Variants in RIT2 observed in about 807,000 individuals in gnomAD.
RIT2 encodes Ras like without CAAX 2.
RIT2 carries 24 observed loss-of-function variants against 23.7 expected under a neutral mutation model. That is an observed-to-expected ratio of 1.01 (90% CI 0.73 to 1.43). The LOEUF is 1.43. RIT2 is among the 40% of genes most tolerant of loss of function. The probability of loss-of-function intolerance (pLI) is 0.00; values close to 1 mark genes in which losing one functional copy is unlikely to be tolerated. For missense variants in RIT2, 236 were observed against 266.9 expected (o/e 0.88, Z 0.81); for synonymous variants, 107 against 91.1 (o/e 1.17, Z -0.99).
chr18:43,054,966 T>C (rs1006299690), intron 1 of RIT2, among the ~76,000 whole-genome samples: 12 of 152,116 alleles, frequency 7.9e-5, no homozygotes, highest in Admixed American at 1.3e-4. Context: ...TTTTCAATTA[T>C]AGCTGTGCAT....
At chr18:42,927,291 T>G (rs516838) in intron 3 of RIT2, among the ~76,000 whole-genome samples, 132,351 of 151,476 alleles carry the variant, frequency 0.87, 58,215 homozygotes, top group East Asian at 1. Context: ...ATAATGAATG[T>G]GGAGGATATT....
chr18:43,043,968 T>C (rs1912188621), intron 1 of RIT2, among the ~76,000 whole-genome samples: 1 of 152,104 alleles, frequency 6.6e-6, no homozygotes, highest in South Asian at 2.1e-4. Flanking sequence ...ACAGGATCTT[T>C]CCCAAGGAAG....
At chr18:42,794,083 G>A (rs1295682889) in intron 4 of RIT2, among the ~76,000 whole-genome samples, 1 of 151,872 alleles carries the variant, frequency 6.6e-6, no homozygotes, top group African/African-American at 2.4e-5. Context: ...GAAAGAATGC[G>A]GTTATCTCAT....
intron 1 of RIT2, among the ~76,000 whole-genome samples, chr18:43,091,957 A>G (rs1246525177): frequency 1.3e-5 from 2 of 152,142 alleles, no homozygotes; most frequent in Non-Finnish European, 2.9e-5. Context: ...AAGTTTTGAA[A>G]GAATTCAAAA....
intron 4 of RIT2, among the ~76,000 whole-genome samples, chr18:42,862,258 C>T (rs1907347893): frequency 6.6e-6 from 1 of 151,968 alleles, no homozygotes; most frequent in African/African-American, 2.4e-5. Flanking sequence ...GGCACTTCTC[C>T]CTTCACTCTC....
intron 4 of RIT2, among the ~76,000 whole-genome samples, chr18:42,893,545 A>G (rs373298603): frequency 5.2e-4 from 79 of 152,306 alleles, no homozygotes; most frequent in Middle Eastern, 3.4e-3. Flanking sequence ...TCAGCTCTTC[A>G]TACTTTTGCA....
intron 1 of RIT2, among the ~76,000 whole-genome samples, chr18:43,080,864 T>A (rs899257691): frequency 1.3e-5 from 2 of 152,180 alleles, no homozygotes; most frequent in African/African-American, 4.8e-5. Context: ...TTTGTTCTTC[T>A]TAAGAAGGAT....
chr18:43,045,186 C>T (rs1294368681), intron 1 of RIT2, among the ~76,000 whole-genome samples: 1 of 152,146 alleles, frequency 6.6e-6, no homozygotes, highest in African/African-American at 2.4e-5. Flanking sequence ...AAATACAACT[C>T]TCTCTGTAGT....
chr18:43,089,811 A>T lies in RIT2; in HGVS notation c.103+25606T>A, dbSNP rs144722424. ...GGGAAGGATTCCCTACTCAATAAAT[A>T]AAAGGATTCTGTACTCCCTTCAGCC... is the stretch of plus-strand genomic sequence containing the variant. On this transcript the variant is annotated intron_variant, in intron 1 of 4. Coordinates refer to ENST00000326695, the MANE Select transcript of RIT2 (RefSeq NM_002930.4). Among the ~76,000 whole-genome samples the T allele has an allele frequency of 3.5e-3, 531 of 152,076 alleles. 3 individuals are homozygous for T. The highest frequency in any genetic ancestry group is 0.011 in the African/African-American group (448 of 41,540).
intron 2 of RIT2, among the ~76,000 whole-genome samples, chr18:42,982,100 C>T (rs899093096): frequency 4.6e-5 from 7 of 152,260 alleles, no homozygotes; most frequent in South Asian, 2.1e-4. Flanking sequence ...AAGGACTTCT[C>T]TTCATTGATG....
chr18:42,797,466 C>G (rs2143956802), intron 4 of RIT2, among the ~76,000 whole-genome samples: 1 of 152,080 alleles, frequency 6.6e-6, no homozygotes, highest in East Asian at 1.9e-4. Context: ...AATCAAATTA[C>G]TCAAGTAATC....
At position 42,743,718 on chromosome 18, in the gene RIT2, A is replaced by G; in HGVS notation, c.429T>C (p.Val143=). The change falls in exon 5 of 5, where the codon GTT becomes GTC. Residue 143 remains valine (V), a splice_region_variant and synonymous_variant. Coordinates refer to ENST00000326695, the MANE Select transcript of RIT2 (RefSeq NM_002930.4). ...NKIDLEQFRQ[V]STEEGLSLAQ... ...CAAGACTCAAGCCTTCTTCTGTAGA[A>G]ACCTAAGGAAAAAACAAATAATATT... 6.3e-7 allele frequency: 1 copy of G among 1,594,042 alleles called. No individual in the cohort carries two copies. The highest frequency in any genetic ancestry group is 8.5e-7 in the Non-Finnish European group (1 of 1,170,004).
chr18:43,080,157 C>T (rs927740345), intron 1 of RIT2, among the ~76,000 whole-genome samples: 1 of 152,206 alleles, frequency 6.6e-6, no homozygotes, highest in African/African-American at 2.4e-5. Context: ...AATCTATATT[C>T]AGTTCCTACC....
chr18:42,842,078 T>C (rs1906782468), intron 4 of RIT2, among the ~76,000 whole-genome samples: 1 of 152,250 alleles, frequency 6.6e-6, no homozygotes, highest in Admixed American at 6.5e-5. Flanking sequence ...GTTTATTTGC[T>C]GTAGGCTGAT....
chr18:42,835,737 T>G (rs1298685443), intron 4 of RIT2, among the ~76,000 whole-genome samples: 1 of 152,126 alleles, frequency 6.6e-6, no homozygotes, highest in East Asian at 1.9e-4. Context: ...GGAGATTAAA[T>G]AAGAGTTATA....
intron 4 of RIT2, among the ~76,000 whole-genome samples, chr18:42,825,215 T>C (rs1023792743): frequency 1.3e-5 from 2 of 151,832 alleles, no homozygotes; most frequent in Non-Finnish European, 2.9e-5. Context: ...AGTATAAGTA[T>C]ATGGAGAATA....
At chr18:43,054,123 C>T (rs1004688501) in intron 1 of RIT2, among the ~76,000 whole-genome samples, 3 of 151,980 alleles carry the variant, frequency 2.0e-5, no homozygotes, top group Non-Finnish European at 2.9e-5. Context: ...TGCTTTGTCC[C>T]CATCTCCAAA....
chr18:43,061,715 A>T (rs1472594348), intron 1 of RIT2, among the ~76,000 whole-genome samples: 1 of 151,894 alleles, frequency 6.6e-6, no homozygotes, highest in Non-Finnish European at 1.5e-5. Context: ...AGCTCATAAA[A>T]ACCCCCTACT....
In RIT2 at chr18:42,743,350, A is replaced by T. The variant is rs1003242280; in HGVS notation, c.*143T>A. Reference sequence around the variant, plus strand: ...AACAAAACTATCTCAAGAGGTACAGATATGCAGAGCTTGCTTTTACCTACA... The same window carrying T: ...AACAAAACTATCTCAAGAGGTACAGTTATGCAGAGCTTGCTTTTACCTACA... On this transcript the variant is annotated 3_prime_UTR_variant, in exon 5 of 5. Coordinates refer to ENST00000326695, the MANE Select transcript of RIT2 (RefSeq NM_002930.4). 2 of 649,212 alleles carry T rather than the reference A, an allele frequency of 3.1e-6. No individual in the cohort carries two copies. The highest frequency in any genetic ancestry group is 5.3e-6 in the Non-Finnish European group (2 of 374,218). The allele number at this position is 649,212 out of a possible 1,614,324, so 40.2% of individuals were successfully genotyped here.
Sources: gnomAD v4.1 joint callset for allele counts (sites outside exome capture counted in the v4.1 genomes callset) on GRCh38, gnomAD v4.1.1 for gene constraint, MANE v1.5 for transcripts, NCBI Gene and HGNC (gene_info 2026-07-23, HGNC 2026-07-21) for gene names.